FAM135A: variants seen among roughly 807,000 people sequenced by gnomAD.
The protein encoded by FAM135A is family with sequence similarity 135 member A.
In FAM135A, 79 loss-of-function variants were observed where a neutral mutation model predicts 146.8. The ratio of observed to expected loss-of-function variants is 0.54; its 90% CI spans 0.45 to 0.65. The LOEUF (loss-of-function observed/expected upper bound fraction) is 0.65, where lower values mean the gene tolerates loss of function less well. Among genes scored for constraint, FAM135A ranks in the 30% least tolerant of loss-of-function variants. The pLI is 0.00. For synonymous variants in FAM135A, 562 were observed against 603.6 expected (o/e 0.93, Z 1.01); for missense variants, 1,623 against 1,758.2 (o/e 0.92, Z 1.38).
chr6:70,509,005 T>C (rs878995962), intron 12 of FAM135A, among the ~76,000 whole-genome samples: 1 of 152,316 alleles, frequency 6.6e-6, no homozygotes, highest in African/African-American at 2.4e-5. Context: ...TGGAAACATA[T>C]GGCTTTACTT....
chr6:70,461,933 A>G (rs1779521398), intron 5 of FAM135A, among the ~76,000 whole-genome samples: 1 of 152,212 alleles, frequency 6.6e-6, no homozygotes, highest in African/African-American at 2.4e-5. Flanking sequence ...AAAATTGTGT[A>G]AAGAGATCTA....
At chr6:70,514,224 T>C (rs1582676093) in intron 12 of FAM135A, among the ~76,000 whole-genome samples, 1 of 152,190 alleles carries the variant, frequency 6.6e-6, no homozygotes, top group East Asian at 1.9e-4. Flanking sequence ...TCTGTTATTC[T>C]GTCTTCAGAT....
At chr6:70,527,333 C>T (rs1794953294) in intron 15 of FAM135A, among the ~76,000 whole-genome samples, 1 of 152,000 alleles carries the variant, frequency 6.6e-6, no homozygotes, top group Non-Finnish European at 1.5e-5. Context: ...CAGACTGAGT[C>T]ATAATATTTG....
chr6:70,453,922 A>G lies in FAM135A; in HGVS notation c.157+1351A>G, dbSNP rs537773951. Among the ~76,000 whole-genome samples, 219 of 152,352 alleles carry G rather than the reference A, an allele frequency of 1.4e-3. 3 individuals carry two copies. The highest frequency in any genetic ancestry group is 4.1e-3 in the Admixed American group (62 of 15,308). ...GCATGATTTATAATCCTTTGGGTATATACCCAGTAATGAGATCGCTGGGTC... is the reference window on the plus strand; with the variant it reads ...GCATGATTTATAATCCTTTGGGTATGTACCCAGTAATGAGATCGCTGGGTC... On this transcript the variant is annotated intron_variant, in intron 5 of 21. Coordinates refer to ENST00000418814, the MANE Select transcript of FAM135A (RefSeq NM_001162529.3).
chr6:70,429,539 A>T (rs986474055), intron 4 of FAM135A, among the ~76,000 whole-genome samples: 6 of 151,570 alleles, frequency 4.0e-5, no homozygotes, highest in African/African-American at 1.5e-4. Context: ...AATAAAAATT[A>T]AAAAAAAAGA....
chr6:70,529,804 T>A (rs1795448404), intron 16 of FAM135A, among the ~76,000 whole-genome samples: 1 of 152,152 alleles, frequency 6.6e-6, no homozygotes. Flanking sequence ...GGCTTACACC[T>A]GTAATCCCAG....
At chr6:70,426,995 GTC>G (rs1770314683) in intron 3 of FAM135A, among the ~76,000 whole-genome samples, 1 of 152,138 alleles carries the variant, frequency 6.6e-6, no homozygotes, top group African/African-American at 2.4e-5. Flanking sequence ...GGCTGTCTAT[GTC>G]TCTGCTTGTG....
At position 70,525,936 on chromosome 6, in the gene FAM135A, TC is replaced by T; in HGVS notation, c.2854del (p.Gln952ArgfsTer16). 6.2e-7 allele frequency: 1 copy of T among 1,613,468 alleles called. No homozygotes were observed. The highest frequency in any genetic ancestry group is 8.5e-7 in the Non-Finnish European group (1 of 1,179,616). ...KPNLDTMCKGFQSPDKSNNST... is the reference protein window; with the variant it reads ...KPNLDTMCKGXQSPDKSNNST... ...AACTTGGATACTATGTGTAAAGGCT[TC>T]CAGAGTCCTGATAAATCTAATAACT... On this transcript the variant is annotated frameshift_variant, in exon 15 of 22. Coordinates refer to ENST00000418814, the MANE Select transcript of FAM135A (RefSeq NM_001162529.3). LOFTEE classifies it high-confidence loss of function.
intron 5 of FAM135A, among the ~76,000 whole-genome samples, chr6:70,464,636 A>T (rs1039144948): frequency 4.7e-5 from 7 of 149,016 alleles, no homozygotes; most frequent in African/African-American, 7.6e-5. Flanking sequence ...TTATTTTTTT[A>T]AATTTCTTTC....
rs1562494523 is a variant in FAM135A at position 70,480,919 on chromosome 6, G to A, written c.561G>A (p.Lys187=). The change falls in exon 9 of 22, where the codon AAG becomes AAA. Residue 187 remains lysine, a synonymous_variant. Coordinates refer to ENST00000418814, the MANE Select transcript of FAM135A (RefSeq NM_001162529.3). ...CCTCCAGCTTTCCTCGCCCTGTGAA[G>A]ACAACTTGGTTAAATAGAAATGCAC... is the stretch of plus-strand genomic sequence containing the variant. ...QPLISFPRPV[K]TTWLNRNAPA... is the part of the protein sequence containing the mutation. The A allele has an allele frequency of 6.2e-7, 1 of 1,610,866 alleles. No homozygotes were observed. The highest frequency in any genetic ancestry group is 1.7e-5 in the Admixed American group (1 of 59,484).
intron 20 of FAM135A, among the ~76,000 whole-genome samples, chr6:70,544,248 C>T (rs1798446643): frequency 1.3e-5 from 2 of 151,872 alleles, no homozygotes; most frequent in South Asian, 4.2e-4. Flanking sequence ...AGTTTAAGGC[C>T]AGCCTGGACA....
At chr6:70,436,875 T>G (rs1171561842) in intron 4 of FAM135A, among the ~76,000 whole-genome samples, 1 of 152,048 alleles carries the variant, frequency 6.6e-6, no homozygotes, top group African/African-American at 2.4e-5. Context: ...TCAAATTAAC[T>G]GTGGGAAAAA....
chr6:70,416,801 A>G (rs1284255112), intron 2 of FAM135A, among the ~76,000 whole-genome samples: 3 of 152,216 alleles, frequency 2.0e-5, no homozygotes, highest in Admixed American at 6.5e-5. Context: ...GAATGGTAAT[A>G]TAGAAGAAAT....
At chr6:70,461,992 T>C (rs1779529532) in intron 5 of FAM135A, among the ~76,000 whole-genome samples, 1 of 152,208 alleles carries the variant, frequency 6.6e-6, no homozygotes, top group African/African-American at 2.4e-5. Flanking sequence ...CCTCCCTTTC[T>C]GTCCTAAATT....
chr6:70,428,315 A>G lies in FAM135A; in HGVS notation c.-28A>G. On this transcript the variant is annotated 5_prime_UTR_variant, in exon 4 of 22. Transcript: ENST00000418814. ...TTTCCTTAACAAAGGTGCTGTTATC[A>G]GAATAGTCTTCTGGGTATAAATTAA... is the stretch of plus-strand genomic sequence containing the variant. 6.6e-7 allele frequency: 1 copy of G among 1,521,318 alleles called. No homozygotes were observed. The highest frequency in any genetic ancestry group is 2.3e-5 in the East Asian group (1 of 42,660). The allele number at this position is 1,521,318 out of a possible 1,614,324, so 94.2% of individuals were successfully genotyped here.
intron 4 of FAM135A, among the ~76,000 whole-genome samples, chr6:70,438,538 C>T (rs1378045393): frequency 6.6e-6 from 1 of 152,120 alleles, no homozygotes. Flanking sequence ...CACTTAGTAG[C>T]TGGTGTTGGT....
At chr6:70,522,610 A>T (rs756066199) in intron 13 of FAM135A, 24 bp downstream of exon 13, 1 of 1,577,230 alleles carries the variant, frequency 6.3e-7, no homozygotes, top group Non-Finnish European at 8.7e-7. Context: ...ATTCAAAATT[A>T]AAATGATATT....
intron 12 of FAM135A, among the ~76,000 whole-genome samples, chr6:70,513,990 G>T (rs1004626317): frequency 2.0e-5 from 3 of 148,914 alleles, no homozygotes; most frequent in African/African-American, 7.5e-5. Flanking sequence ...GTTGTTGTTT[G>T]TTTTTTTTTG....
At chr6:70,493,035 A>T (rs1433717517) in intron 11 of FAM135A, among the ~76,000 whole-genome samples, 1 of 152,114 alleles carries the variant, frequency 6.6e-6, no homozygotes, top group African/African-American at 2.4e-5. Flanking sequence ...ATAAGGAATT[A>T]CATCATTAAT....
Sources: gnomAD v4.1 joint callset for allele counts (sites outside exome capture counted in the v4.1 genomes callset) on GRCh38, gnomAD v4.1.1 for gene constraint, MANE v1.5 for transcripts, NCBI Gene and HGNC (gene_info 2026-07-23, HGNC 2026-07-21) for gene names.